The following RGS3 variants were observed in gnomAD, a reference collection of about 807,000 sequenced individuals.
The protein encoded by RGS3 is regulator of G protein signaling 3, also known as regulator of G-protein signalling 3.
A neutral mutation model predicts 132.6 loss-of-function variants in RGS3; 80 were observed. The ratio of observed to expected loss-of-function variants is 0.60; its 90% CI spans 0.50 to 0.73. The LOEUF is 0.73. Among genes scored for constraint, RGS3 ranks in the 30% least tolerant of loss-of-function variants. The pLI is 0.00. For synonymous variants in RGS3, 598 were observed against 620.6 expected (o/e 0.96, Z 0.54); for missense variants, 1,382 against 1,530.8 (o/e 0.90, Z 1.62).
At position 113,508,581 on chromosome 9, in the gene RGS3, G is replaced by A. The variant is rs1274067999; in HGVS notation, c.1477+1G>A. ...TACCAGGAGGATACCATCCCCGAAG[G>A]TGAGTCTCCTGCTGCTGCTGTGCCC... is the stretch of plus-strand genomic sequence containing the variant. On this transcript the variant is annotated splice_donor_variant, in intron 14 of 24. Coordinates refer to ENST00000350696, the Ensembl canonical transcript of RGS3. LOFTEE classifies it high-confidence loss of function. 1 of 1,612,012 alleles carries A rather than the reference G, an allele frequency of 6.2e-7. No individual in the cohort carries two copies. Among genetic ancestry groups the A allele is most frequent in the African/African-American group, 1.3e-5 (1 of 74,898 alleles).
At chr9:113,587,662 G>A (rs532522972) in intron 20 of RGS3, among the ~76,000 whole-genome samples, 11 of 152,278 alleles carry the variant, frequency 7.2e-5, no homozygotes, top group Middle Eastern at 3.4e-3. Context: ...CGTTGTCTCC[G>A]GTCCACACCC....
chr9:113,461,999 TG>T, intron 2 of RGS3: 1 of 1,610,812 alleles, frequency 6.2e-7, no homozygotes, highest in Non-Finnish European at 8.5e-7. Context: ...GGCTAACTCA[TG>T]CTCCCATCTT....
At chr9:113,470,119 C>T (rs1395289258) in intron 3 of RGS3, among the ~76,000 whole-genome samples, 1 of 152,242 alleles carries the variant, frequency 6.6e-6, no homozygotes, top group South Asian at 2.1e-4. Flanking sequence ...CCATGTTGGC[C>T]ACACTGGTCT....
At chr9:113,587,238 G>C (rs1317476660) in intron 20 of RGS3, among the ~76,000 whole-genome samples, 2 of 150,228 alleles carry the variant, frequency 1.3e-5, no homozygotes, top group Admixed American at 6.6e-5. Flanking sequence ...GGCCGGGGGT[G>C]GGGGACTGGC....
chr9:113,588,703 A>G (rs62577780), intron 20 of RGS3, among the ~76,000 whole-genome samples: 3,465 of 152,364 alleles, frequency 0.023, 65 homozygotes, highest in South Asian at 0.037. Flanking sequence ...AAATAATGGC[A>G]AAACCCATGC....
exon 19 of RGS3, chr9:113,536,873 C>T: frequency 6.2e-7 from 1 of 1,614,172 alleles, no homozygotes; most frequent in Non-Finnish European, 8.5e-7. Context: ...TGTCGGAGAA[C>T]ATCGCCAAGC....
At chr9:113,489,668 T>C (rs1830444296) in intron 7 of RGS3, among the ~76,000 whole-genome samples, 1 of 151,762 alleles carries the variant, frequency 6.6e-6, no homozygotes, top group Non-Finnish European at 1.5e-5. Context: ...GGACTACAGG[T>C]ACATGCCACC....
At chr9:113,502,469 C>G (rs1830943796) in intron 10 of RGS3, among the ~76,000 whole-genome samples, 1 of 152,236 alleles carries the variant, frequency 6.6e-6, no homozygotes, top group Non-Finnish European at 1.5e-5. Context: ...TGCCCCCCCA[C>G]CTGCCTGCTA....
intron 4 of RGS3, among the ~76,000 whole-genome samples, chr9:113,482,356 T>G (rs1162376088): frequency 2.0e-5 from 3 of 152,250 alleles, no homozygotes; most frequent in Non-Finnish European, 4.4e-5. Context: ...GTGCATGTTA[T>G]TATCACTAAA....
Position 113,539,243 on chromosome 9 carries a change from G to C in RGS3, c.2037+2325G>C, listed in dbSNP as rs969564885. Among the ~76,000 whole-genome samples, 12 of 152,300 alleles carry C rather than the reference G, an allele frequency of 7.9e-5. No individual in the cohort carries two copies. The East Asian group carries it at 2.1e-3, about 27-fold the overall frequency. ...CTGGCCACTAAGGTCTCCATCTCTA[G>C]GGCAGAAGAGGAAGGGCCAAACGGA... On this transcript the variant is annotated intron_variant, in intron 19 of 24. Coordinates refer to ENST00000350696, the Ensembl canonical transcript of RGS3.
chr9:113,492,000 C>T (rs116555804), intron 7 of RGS3, among the ~76,000 whole-genome samples: 2,347 of 152,144 alleles, frequency 0.015, 18 homozygotes, highest in Admixed American at 0.022. Context: ...AGTGGCCTAA[C>T]GTCAGAAAGC....
intron 21 of RGS3, chr9:113,593,938 G>A: frequency 6.2e-7 from 1 of 1,611,690 alleles, no homozygotes; most frequent in South Asian, 1.1e-5. Flanking sequence ...GAGGAGGCCA[G>A]TCACAAATAG....
chr9:113,566,452 G>C (rs1420720936), intron 19 of RGS3, among the ~76,000 whole-genome samples: 1 of 152,100 alleles, frequency 6.6e-6, no homozygotes, highest in African/African-American at 2.4e-5. Flanking sequence ...TTGTTCCCAG[G>C]TGTCCAGGAA....
chr9:113,447,944 A>G (rs974266550), intron 1 of RGS3, among the ~76,000 whole-genome samples: 2 of 149,326 alleles, frequency 1.3e-5, no homozygotes, highest in Non-Finnish European at 3.0e-5. Context: ...TGCAGCCTCG[A>G]CCTCCTGGGT....
chr9:113,467,493 A>AT (rs1829682610), intron 3 of RGS3, among the ~76,000 whole-genome samples: 1 of 152,054 alleles, frequency 6.6e-6, no homozygotes, highest in African/African-American at 2.4e-5. Flanking sequence ...GATGTTGAAC[A>AT]TTTTTTCATG....
chr9:113,461,570 G>T, intron 1 of RGS3: 1 of 843,910 alleles, frequency 1.2e-6, no homozygotes. Flanking sequence ...GATCAGGCTG[G>T]CCTTGCAATC....
In RGS3 at chr9:113,553,459, A is replaced by AAAAAAAAAT. The variant is rs1426114805; in HGVS notation, c.2037+16542_2037+16543insAAAAAAATA. Among the ~76,000 whole-genome samples, 119 of 58,668 alleles carry AAAAAAAAAT rather than the reference A, an allele frequency of 2.0e-3. 2 individuals are homozygous for AAAAAAAAAT. The highest frequency in any genetic ancestry group is 2.5e-3 in the Admixed American group (9 of 3,638). 38.5% of individuals were successfully genotyped at this position (58,668 alleles called of 152,430 possible). ...CTCTGTTTAAAAAAAAAAAAAAAAAAATATATATATATATATATATATATA... is the reference window on the plus strand; with the variant it reads ...CTCTGTTTAAAAAAAAAAAAAAAAAAAAAAAAAATATATATATATATATATATATATATA... On this transcript the variant is annotated intron_variant, in intron 19 of 24. Coordinates refer to ENST00000350696, the Ensembl canonical transcript of RGS3.
At chr9:113,552,594 T>C (rs1373554306) in intron 19 of RGS3, among the ~76,000 whole-genome samples, 1 of 152,160 alleles carries the variant, frequency 6.6e-6, no homozygotes, top group Non-Finnish European at 1.5e-5. Flanking sequence ...TTTATTCTTT[T>C]AAATGAAATT....
chr9:113,450,576 A>G (rs1829217460), intron 1 of RGS3, among the ~76,000 whole-genome samples: 1 of 152,134 alleles, frequency 6.6e-6, no homozygotes, highest in South Asian at 2.1e-4. Context: ...TGGTGTGTCA[A>G]GGCAGAGGTG....
Sources: gnomAD v4.1 joint callset for allele counts (sites outside exome capture counted in the v4.1 genomes callset) on GRCh38, gnomAD v4.1.1 for gene constraint, MANE v1.5 for transcripts, NCBI Gene and HGNC (gene_info 2026-07-23, HGNC 2026-07-21) for gene names.